Variants in PTP4A1 observed in about 807,000 individuals in gnomAD.
PTP4A1 encodes the protein protein tyrosine phosphatase 4A1.
A neutral mutation model predicts 20.5 loss-of-function variants in PTP4A1; 9 were observed. That is an observed-to-expected ratio of 0.44 (90% CI 0.26 to 0.77). The LOEUF (loss-of-function observed/expected upper bound fraction) is 0.77, where lower values mean the gene tolerates loss of function less well. PTP4A1 is among the 30% of genes least tolerant of loss of function. The probability of loss-of-function intolerance (pLI) is 0.19; values close to 1 mark genes in which losing one functional copy is unlikely to be tolerated. For missense variants in PTP4A1, 137 were observed against 218.8 expected (o/e 0.63, Z 2.36); for synonymous variants, 78 against 67.4 (o/e 1.16, Z -0.77).
At chr6:63,530,622 A>G (rs1375629793) in intron 2 of PTP4A1, among the ~76,000 whole-genome samples, 3 of 152,202 alleles carry the variant, frequency 2.0e-5, no homozygotes, top group Non-Finnish European at 4.4e-5. Flanking sequence ...GGTCATAGGG[A>G]ATAATAGAAA....
chr6:63,552,612 G>A (rs997642410), intron 3 of PTP4A1, among the ~76,000 whole-genome samples: 1 of 152,174 alleles, frequency 6.6e-6, no homozygotes, highest in Non-Finnish European at 1.5e-5. Flanking sequence ...CCTTGCCCAT[G>A]CCTATGTCCT....
chr6:63,531,761 G>A (rs972738606), intron 2 of PTP4A1, among the ~76,000 whole-genome samples: 1 of 151,732 alleles, frequency 6.6e-6, no homozygotes, highest in African/African-American at 2.4e-5. Context: ...AAAGTGCTGT[G>A]ATTACAGGCA....
chr6:63,522,862 CTTTTTT>C (rs559181707), intron 1 of PTP4A1, among the ~76,000 whole-genome samples: 2 of 126,428 alleles, frequency 1.6e-5, no homozygotes, highest in Non-Finnish European at 1.7e-5. Context: ...GACTAAATCA[CTTTTTT>C]TTTTTTTTTT....
chr6:63,523,750 A>G (rs546785918), intron 1 of PTP4A1, among the ~76,000 whole-genome samples: 30 of 152,132 alleles, frequency 2.0e-4, no homozygotes, highest in African/African-American at 6.7e-4. Flanking sequence ...TAAGCTCATC[A>G]GCTATCGTTA....
chr6:63,520,171 C>T (rs1774869630), upstream of PTP4A1, among the ~76,000 whole-genome samples: 1 of 152,138 alleles, frequency 6.6e-6, no homozygotes, highest in South Asian at 2.1e-4. Context: ...CTGTATGCAT[C>T]CTTTTTTTAA....
intron 3 of PTP4A1, among the ~76,000 whole-genome samples, chr6:63,564,756 G>C (rs1777114562): frequency 6.6e-6 from 1 of 152,150 alleles, no homozygotes; most frequent in Non-Finnish European, 1.5e-5. Context: ...ATCACATGGA[G>C]ACTGTGGCCT....
chr6:63,518,989 A>G (rs1774827069), upstream of PTP4A1, among the ~76,000 whole-genome samples: 1 of 152,194 alleles, frequency 6.6e-6, no homozygotes, highest in Non-Finnish European at 1.5e-5. Flanking sequence ...CACTGTAGTA[A>G]AGCATGTGCA....
At chr6:63,552,136 T>G (rs1466645809) in intron 3 of PTP4A1, among the ~76,000 whole-genome samples, 1 of 152,330 alleles carries the variant, frequency 6.6e-6, no homozygotes, top group Admixed American at 6.5e-5. Flanking sequence ...CCACAATGGT[T>G]GAACTAGTTT....
intron 3 of PTP4A1, among the ~76,000 whole-genome samples, chr6:63,558,311 G>A (rs1776776571): frequency 6.6e-6 from 1 of 152,108 alleles, no homozygotes; most frequent in Non-Finnish European, 1.5e-5. Context: ...GAAAGAAGCA[G>A]GGAAGGAAAG....
chr6:63,581,384 T>C lies in PTP4A1; in HGVS notation c.*1210T>C, dbSNP rs1254917859. ...TCTGTGGGAGAAATAATTTTGTCAG[T>C]GTTCACCAGCTTGTAAAAACTTAGT... On this transcript the variant is annotated 3_prime_UTR_variant, in exon 6 of 6. Coordinates refer to ENST00000626021, the MANE Select transcript of PTP4A1 (RefSeq NM_003463.5). 6.6e-6 allele frequency: 1 copy of C among 152,598 alleles called. No individual in the cohort carries two copies. Among genetic ancestry groups the C allele is most frequent in the Non-Finnish European group, 1.5e-5 (1 of 67,994 alleles). 9.5% of individuals were successfully genotyped at this position (152,598 alleles called of 1,614,324 possible).
intron 2 of PTP4A1, among the ~76,000 whole-genome samples, chr6:63,539,588 C>T (rs1775865466): frequency 6.6e-6 from 1 of 152,050 alleles, no homozygotes; most frequent in Non-Finnish European, 1.5e-5. Context: ...CCATCCTGGC[C>T]AACATGGTGA....
intron 3 of PTP4A1, among the ~76,000 whole-genome samples, chr6:63,565,534 T>C (rs192193639): frequency 1.2e-4 from 19 of 152,346 alleles, no homozygotes; most frequent in Admixed American, 1.2e-3. Context: ...CTTGATAAGA[T>C]GTTACTTCTG....
chr6:63,580,272 C>G lies in PTP4A1; in HGVS notation c.*98C>G, dbSNP rs1778144554. On this transcript the variant is annotated 3_prime_UTR_variant, in exon 6 of 6. Transcript: ENST00000626021. ...TGTTGGCTTAGTAAGTCTAATGAAG[C>G]TTCCATAGGAGTATTGAAAGGCAGT... 1.0e-6 allele frequency: 1 copy of G among 991,664 alleles called. No homozygotes were observed. The highest frequency in any genetic ancestry group is 1.6e-5 in the African/African-American group (1 of 61,892). 61.4% of individuals were successfully genotyped at this position (991,664 alleles called of 1,614,324 possible).
At chr6:63,579,472 A>C in intron 5 of PTP4A1, 141 bp downstream of exon 5, 1 of 578,642 alleles carries the variant, frequency 1.7e-6, no homozygotes, top group Non-Finnish European at 2.8e-6. Flanking sequence ...AAGATCTTAC[A>C]TTCTTTTTTG....
intron 2 of PTP4A1, among the ~76,000 whole-genome samples, chr6:63,533,706 T>C (rs1176617903): frequency 1.3e-5 from 2 of 152,126 alleles, no homozygotes; most frequent in Non-Finnish European, 2.9e-5. Context: ...TAAATGACTT[T>C]GTAAAGCTGC....
chr6:63,527,435 A>G (rs1042623678), intron 1 of PTP4A1, among the ~76,000 whole-genome samples: 1 of 152,146 alleles, frequency 6.6e-6, no homozygotes, highest in African/African-American at 2.4e-5. Context: ...CTACTATTTG[A>G]TGGGTCTTTC....
At chr6:63,568,854 T>C (rs1380090093), upstream of PTP4A1, among the ~76,000 whole-genome samples, 1 of 152,206 alleles carries the variant, frequency 6.6e-6, no homozygotes, top group Non-Finnish European at 1.5e-5. Flanking sequence ...TTGTTAAATA[T>C]GGGTATGGGA....
intron 2 of PTP4A1, chr6:63,549,142 C>A (rs1178846402): frequency 2.9e-6 from 2 of 686,404 alleles, no homozygotes; most frequent in African/African-American, 1.8e-5. Flanking sequence ...CCTTTGCCAG[C>A]AGCTTTCTTT....
At chr6:63,537,610 T>C (rs1775780498) in intron 2 of PTP4A1, among the ~76,000 whole-genome samples, 1 of 152,248 alleles carries the variant, frequency 6.6e-6, no homozygotes, top group Non-Finnish European at 1.5e-5. Context: ...TCTGCATTTG[T>C]TTGTTTTACT....
Sources: allele counts gnomAD v4.1 joint callset (sites outside exome capture counted in the v4.1 genomes callset), GRCh38; gene constraint gnomAD v4.1.1; transcripts MANE v1.5; gene names NCBI Gene and HGNC (gene_info 2026-07-23, HGNC 2026-07-21).